Variants in FNBP1L observed in about 807,000 individuals in gnomAD.
FNBP1L encodes formin-binding protein 1-like.
In FNBP1L, 36 loss-of-function variants were observed where a neutral mutation model predicts 91.2. That is an observed-to-expected ratio of 0.39 (90% CI 0.30 to 0.52). FNBP1L has a LOEUF of 0.52. Ranked by LOEUF, FNBP1L falls within the 20% of genes least tolerant of loss-of-function variation. The pLI is 0.66. For synonymous variants in FNBP1L, 242 were observed against 237.0 expected, an observed-to-expected ratio of 1.02 and a Z score of -0.19; for missense variants, 571 against 732.1, an observed-to-expected ratio of 0.78 and a Z score of 2.54.
rs909338095 is a variant in FNBP1L at position 93,505,175 on chromosome 1, G to A, written c.140+5592G>A. 1.0e-4 allele frequency among the ~76,000 whole-genome samples: 15 copies of A among 148,196 alleles called. No individual in the cohort carries two copies. The South Asian group carries it at 2.4e-3, about 23-fold the overall frequency. ...CGCCCAGCCTGGAGTGCAGTGGCGC[G>A]ATCTTGGCTCACTGCAACTTCCGTC... On this transcript the variant is annotated intron_variant, in intron 2 of 16. Transcript: ENST00000271234.
intron 1 of FNBP1L, among the ~76,000 whole-genome samples, chr1:93,479,233 C>G (rs2624439): frequency 6.6e-6 from 1 of 151,796 alleles, no homozygotes; most frequent in African/African-American, 2.4e-5. Context: ...AGGGGGTGTA[C>G]GAACAGGGAG....
At chr1:93,479,669 C>T (rs949398770) in intron 1 of FNBP1L, among the ~76,000 whole-genome samples, 8 of 152,104 alleles carry the variant, frequency 5.3e-5, no homozygotes, top group African/African-American at 4.8e-5. Context: ...AAGAATTTAG[C>T]GATATCTCTC....
intron 8 of FNBP1L, among the ~76,000 whole-genome samples, chr1:93,533,377 A>T (rs980899180): frequency 6.6e-6 from 1 of 152,142 alleles, no homozygotes; most frequent in African/African-American, 2.4e-5. Flanking sequence ...ATATTAGTTT[A>T]GTGAAAATTT....
chr1:93,547,578 G>A, intron 14 of FNBP1L, 137 bp downstream of exon 14: 1 of 686,018 alleles, frequency 1.5e-6, no homozygotes, highest in Non-Finnish European at 2.4e-6. Context: ...TTGAACCTAA[G>A]TAATTTTCTT....
At chr1:93,458,238 A>G (rs1330210176) in intron 1 of FNBP1L, among the ~76,000 whole-genome samples, 4 of 152,108 alleles carry the variant, frequency 2.6e-5, no homozygotes, top group African/African-American at 9.7e-5. Context: ...AGTTCTTTTT[A>G]TAGATCAAAG....
chr1:93,482,785 C>T (rs896735410), intron 1 of FNBP1L, among the ~76,000 whole-genome samples: 9 of 151,900 alleles, frequency 5.9e-5, no homozygotes, highest in Non-Finnish European at 1.2e-4. Flanking sequence ...TTTGGGAGGC[C>T]GAGGTGGGTG....
chr1:93,486,409 A>C (rs1669905496), intron 1 of FNBP1L, among the ~76,000 whole-genome samples: 1 of 152,158 alleles, frequency 6.6e-6, no homozygotes, highest in South Asian at 2.1e-4. Flanking sequence ...AAGAAGATGA[A>C]GAAAATAATG....
At chr1:93,453,539 TAGTA>T (rs1411224202) in intron 1 of FNBP1L, among the ~76,000 whole-genome samples, 2 of 152,122 alleles carry the variant, frequency 1.3e-5, no homozygotes, top group African/African-American at 4.8e-5. Flanking sequence ...AGAGAGGAAA[TAGTA>T]AGAGAAATAG....
At chr1:93,549,657 AT>A (rs1200678085) in intron 15 of FNBP1L, among the ~76,000 whole-genome samples, 2 of 152,174 alleles carry the variant, frequency 1.3e-5, no homozygotes, top group Non-Finnish European at 2.9e-5. Context: ...CCTAATACAG[AT>A]TATTAATTAA....
At chr1:93,497,511 A>G (rs1670305739) in intron 1 of FNBP1L, among the ~76,000 whole-genome samples, 1 of 152,256 alleles carries the variant, frequency 6.6e-6, no homozygotes, top group Admixed American at 6.5e-5. Flanking sequence ...ACTAGATATC[A>G]TAGTTTAGAA....
chr1:93,504,832 A>G (rs1670553786), intron 2 of FNBP1L, among the ~76,000 whole-genome samples: 1 of 151,936 alleles, frequency 6.6e-6, no homozygotes, highest in Non-Finnish European at 1.5e-5. Context: ...CTGGATATTA[A>G]CCCCTTGCCA....
chr1:93,514,214 T>C (rs930601249), intron 2 of FNBP1L, among the ~76,000 whole-genome samples: 1 of 152,144 alleles, frequency 6.6e-6, no homozygotes, highest in African/African-American at 2.4e-5. Flanking sequence ...TAACAAGGGA[T>C]GTGAAGGACC....
rs1351320544 is a variant in FNBP1L at position 93,549,259 on chromosome 1, A to G, written c.1503-19A>G. The G allele has an allele frequency of 1.3e-6, 2 of 1,591,070 alleles. No homozygotes were observed. Among genetic ancestry groups the G allele is most frequent in the Non-Finnish European group, 1.7e-6 (2 of 1,170,988 alleles). ...TCATGTTTATGATACTTGATCAGAG[A>G]TAATTTTTTGTTTTATAGTCCTGAG... On this transcript the variant is annotated intron_variant, in intron 14 of 16. Coordinates refer to ENST00000271234, the MANE Select transcript of FNBP1L (RefSeq NM_001164473.3).
intron 1 of FNBP1L, among the ~76,000 whole-genome samples, chr1:93,474,259 A>G (rs570494030): frequency 6.9e-6 from 1 of 144,054 alleles, no homozygotes; most frequent in East Asian, 2.1e-4. Flanking sequence ...AACAAAAACA[A>G]AAACTTTGAC....
intron 2 of FNBP1L, among the ~76,000 whole-genome samples, chr1:93,513,900 G>A (rs1557802652): frequency 6.6e-6 from 1 of 152,292 alleles, no homozygotes; most frequent in Non-Finnish European, 1.5e-5. Flanking sequence ...TTTCAACATA[G>A]TGTTGGAAGT....
At chr1:93,552,263 C>A in intron 16 of FNBP1L, 146 bp from the exon 17 acceptor site, 1 of 1,435,488 alleles carries the variant, frequency 7.0e-7, no homozygotes, top group East Asian at 2.4e-5. Flanking sequence ...TTAATTTTGC[C>A]CATGTTTTAA....
intron 16 of FNBP1L, 136 bp downstream of exon 16, chr1:93,551,241 C>G: frequency 7.2e-7 from 1 of 1,389,242 alleles, no homozygotes; most frequent in Non-Finnish European, 9.4e-7. Context: ...ATTAATTGTT[C>G]ACTATGTGAG....
rs550924726 is a variant in FNBP1L at position 93,514,932 on chromosome 1, A to C, written c.141-7150A>C. 6.3e-3 allele frequency among the ~76,000 whole-genome samples: 955 copies of C among 152,290 alleles called. 6 individuals carry two copies. The highest frequency in any genetic ancestry group is 0.011 in the South Asian group (52 of 4,822). On this transcript the variant is annotated intron_variant, in intron 2 of 16. Coordinates refer to ENST00000271234, the MANE Select transcript of FNBP1L (RefSeq NM_001164473.3). ...AATTGACAAATGGGATCGAATTAAAATAAAGAGCTTCTGCACAGCAAAAGA... is the reference window on the plus strand; with the variant it reads ...AATTGACAAATGGGATCGAATTAAACTAAAGAGCTTCTGCACAGCAAAAGA...
At chr1:93,465,158 G>T (rs189172971) in intron 1 of FNBP1L, among the ~76,000 whole-genome samples, 1 of 149,908 alleles carries the variant, frequency 6.7e-6, no homozygotes, top group Non-Finnish European at 1.5e-5. Context: ...CCTTTGGGAG[G>T]CCCTGTTTCA....
Sources: gnomAD v4.1 joint callset for allele counts (sites outside exome capture counted in the v4.1 genomes callset) on GRCh38, gnomAD v4.1.1 for gene constraint, MANE v1.5 for transcripts, NCBI Gene and HGNC (gene_info 2026-07-23, HGNC 2026-07-21) for gene names.